The following PAPPA2 variants were observed in gnomAD, a reference collection of about 807,000 sequenced individuals.
PAPPA2 encodes pappalysin-2.
Under a neutral mutation model 176.4 loss-of-function variants are expected in PAPPA2, and 86 were observed. The observed-to-expected ratio is 0.49, with a 90% CI of 0.41 to 0.58. The LOEUF is 0.58. Ranked by LOEUF, PAPPA2 falls within the 20% of genes least tolerant of loss-of-function variation. PAPPA2 has a pLI of 0.00. For missense variants in PAPPA2, 2,073 were observed against 2,256.9 expected (o/e 0.92, Z 1.65); for synonymous variants, 809 against 852.2 (o/e 0.95, Z 0.88).
At chr1:176,695,126 G>T (rs185874981) in intron 6 of PAPPA2, among the ~76,000 whole-genome samples, 1 of 152,160 alleles carries the variant, frequency 6.6e-6, no homozygotes, top group Non-Finnish European at 1.5e-5. Context: ...TGTTCATTGC[G>T]CTGGAAATAT....
intron 14 of PAPPA2, among the ~76,000 whole-genome samples, chr1:176,758,027 C>T (rs1289356808): frequency 6.6e-6 from 1 of 152,110 alleles, no homozygotes; most frequent in Non-Finnish European, 1.5e-5. Context: ...AAACTCTGTG[C>T]TGAGACTTAA....
intron 1 of PAPPA2, among the ~76,000 whole-genome samples, chr1:176,525,789 T>G (rs2102544602): frequency 6.6e-6 from 1 of 152,348 alleles, no homozygotes; most frequent in Non-Finnish European, 1.5e-5. Context: ...CTCTGAAAGT[T>G]ACACTTCTTG....
At chr1:176,565,023 A>G (rs1391489420) in intron 2 of PAPPA2, among the ~76,000 whole-genome samples, 2 of 152,170 alleles carry the variant, frequency 1.3e-5, no homozygotes, top group Admixed American at 6.5e-5. Flanking sequence ...TTATTTCATA[A>G]AAATGGAATG....
At chr1:176,689,857 C>T (rs750138461) in intron 4 of PAPPA2, among the ~76,000 whole-genome samples, 4 of 152,298 alleles carry the variant, frequency 2.6e-5, no homozygotes, top group South Asian at 2.1e-4. Flanking sequence ...TTTTAATATG[C>T]ATACAGGGCT....
rs112936550 is a variant in PAPPA2, at chr1:176,547,052, A to G, written c.-916-8355A>G. ...TGTGGAAGTTTTCTGGTAAAAGTTA[A>G]TTAATAACCACAATCCTCATGCGTG... is the stretch of plus-strand genomic sequence containing the variant. On this transcript the variant is annotated intron_variant, in intron 1 of 22. Transcript: ENST00000367662. Among the ~76,000 whole-genome samples, 452 of 152,334 alleles carry G rather than the reference A, an allele frequency of 3.0e-3. 2 individuals are homozygous for G. Among genetic ancestry groups the G allele is most frequent in the African/African-American group, 0.01 (419 of 41,570 alleles).
chr1:176,565,446 G>A (rs1347423230), intron 2 of PAPPA2, among the ~76,000 whole-genome samples: 2 of 152,196 alleles, frequency 1.3e-5, no homozygotes, highest in African/African-American at 4.8e-5. Flanking sequence ...TGTAAAACTA[G>A]CACTTTGGGA....
intron 8 of PAPPA2, among the ~76,000 whole-genome samples, chr1:176,701,049 C>CAT (rs1553393770): frequency 1.6e-5 from 2 of 124,622 alleles, no homozygotes; most frequent in African/African-American, 7.1e-5. Context: ...CACACACACA[C>CAT]ATACACACAC....
intron 2 of PAPPA2, among the ~76,000 whole-genome samples, chr1:176,558,642 G>A (rs1651473538): frequency 1.3e-5 from 2 of 152,106 alleles, no homozygotes; most frequent in Admixed American, 6.6e-5. Context: ...AAGAGTAGAA[G>A]GAAATCCTTA....
intron 1 of PAPPA2, among the ~76,000 whole-genome samples, chr1:176,483,706 T>C (rs1250997604): frequency 2.0e-5 from 3 of 152,036 alleles, no homozygotes; most frequent in Non-Finnish European, 4.4e-5. Context: ...CCTGACCTTG[T>C]GATCCACCCA....
At chr1:176,818,185 C>T (rs1442062971) in intron 21 of PAPPA2, among the ~76,000 whole-genome samples, 1 of 152,118 alleles carries the variant, frequency 6.6e-6, no homozygotes, top group South Asian at 2.1e-4. Flanking sequence ...GAAAACAGTT[C>T]ATGGAAAGAC....
At chr1:176,548,357 G>C (rs1650750089) in intron 1 of PAPPA2, among the ~76,000 whole-genome samples, 1 of 152,136 alleles carries the variant, frequency 6.6e-6, no homozygotes, top group African/African-American at 2.4e-5. Context: ...ATCTCTGGAA[G>C]ATACTCTAGC....
intron 21 of PAPPA2, among the ~76,000 whole-genome samples, chr1:176,834,621 C>G (rs1667200887): frequency 6.6e-6 from 1 of 152,182 alleles, no homozygotes; most frequent in African/African-American, 2.4e-5. Flanking sequence ...GAAGGAGCAA[C>G]AGTGCCAGGC....
At chr1:176,777,368 T>C (rs374913064) in intron 17 of PAPPA2, among the ~76,000 whole-genome samples, 3 of 152,176 alleles carry the variant, frequency 2.0e-5, no homozygotes, top group African/African-American at 4.8e-5. Context: ...CTTTCCTTCT[T>C]GATGGGTTTT....
Position 176,750,314 on chromosome 1 carries a change from A to G in PAPPA2, c.4151+10118A>G, listed in dbSNP as rs536720403. Among the ~76,000 whole-genome samples, 15 of 152,300 alleles carry G rather than the reference A, an allele frequency of 9.8e-5. No individual in the cohort carries two copies. The East Asian group carries it at 2.5e-3, about 26-fold the overall frequency. ...GATGCCTGAAAGTCTTACTGATAAC[A>G]TAAACAATTGTCCAGGCGCGGTGGC... On this transcript the variant is annotated intron_variant, in intron 14 of 22. Coordinates refer to ENST00000367662, the MANE Select transcript of PAPPA2 (RefSeq NM_020318.3).
chr1:176,786,353 A>G (rs1177943001), intron 17 of PAPPA2, among the ~76,000 whole-genome samples: 1 of 152,082 alleles, frequency 6.6e-6, no homozygotes, highest in Admixed American at 6.5e-5. Flanking sequence ...TGGTGTTGCA[A>G]AGTAGTATGC....
At chr1:176,761,800 G>T (rs1252588406) in intron 14 of PAPPA2, among the ~76,000 whole-genome samples, 1 of 152,286 alleles carries the variant, frequency 6.6e-6, no homozygotes, top group Non-Finnish European at 1.5e-5. Context: ...TAGTTTTCTT[G>T]TATGTCAAAC....
rs1405738430 is a variant in PAPPA2, at chr1:176,594,689, G to T, written c.1085G>T (p.Gly362Val). 1 of 1,614,186 alleles carries T rather than the reference G, an allele frequency of 6.2e-7. No homozygotes were observed. Among genetic ancestry groups the T allele is most frequent in the Non-Finnish European group, 8.5e-7 (1 of 1,180,034 alleles). The change falls in exon 3 of 23, where the codon GGC becomes GTC. Residue 362 changes from glycine (G) to valine (V), a missense_variant. By Grantham distance (109) the Gly-to-Val change is moderately radical. Coordinates refer to ENST00000367662, the MANE Select transcript of PAPPA2 (RefSeq NM_020318.3). The stretch of plus-strand genomic sequence containing the variant: ...ATTAGCCACAGTCGCTACCAACCAG[G>T]CACATGGACCCATGTGGCAGCCACT... Reference protein sequence around the residue: ...ILISHSRYQPGTWTHVAATYD... With the variant: ...ILISHSRYQPVTWTHVAATYD...
intron 15 of PAPPA2, among the ~76,000 whole-genome samples, chr1:176,767,194 G>A (rs1480525702): frequency 6.6e-6 from 1 of 152,176 alleles, no homozygotes; most frequent in Non-Finnish European, 1.5e-5. Flanking sequence ...AAAATGCAGG[G>A]ACTGAATCCA....
chr1:176,832,756 A>G (rs1312032722), intron 21 of PAPPA2, among the ~76,000 whole-genome samples: 1 of 152,214 alleles, frequency 6.6e-6, no homozygotes, highest in African/African-American at 2.4e-5. Flanking sequence ...AATACAGATG[A>G]AAGATGTCTT....
Sources: allele counts gnomAD v4.1 joint callset (sites outside exome capture counted in the v4.1 genomes callset), GRCh38; gene constraint gnomAD v4.1.1; transcripts MANE v1.5; gene names NCBI Gene and HGNC (gene_info 2026-07-23, HGNC 2026-07-21).